The following TK2 variants were observed in gnomAD, a reference collection of about 807,000 sequenced individuals.
The protein encoded by TK2 is thymidine kinase 2, also known as thymidine kinase 2, mitochondrial.
Under a neutral mutation model 41.9 loss-of-function variants are expected in TK2, and 35 were observed. That is an observed-to-expected ratio of 0.84 (90% CI 0.64 to 1.11). The LOEUF is 1.11. Ranked by LOEUF, TK2 falls within the 50% of genes least tolerant of loss-of-function variation. TK2 has a pLI of 0.00. For missense variants in TK2, 320 were observed against 351.1 expected, an observed-to-expected ratio of 0.91 and a Z score of 0.71; for synonymous variants, 128 against 129.1, an observed-to-expected ratio of 0.99 and a Z score of 0.06.
intron 6 of TK2, 39 bp downstream of exon 6, chr16:66,528,955 A>C: frequency 1.3e-6 from 2 of 1,577,106 alleles, no homozygotes; most frequent in Non-Finnish European, 1.7e-6. Flanking sequence ...TTGAAAAATT[A>C]GTGGTTTAAT....
At chr16:66,521,080 C>A (rs770425655) in intron 6 of TK2, among the ~76,000 whole-genome samples, 1 of 152,332 alleles carries the variant, frequency 6.6e-6, no homozygotes, top group East Asian at 1.9e-4. Context: ...GTACCTCATG[C>A]GTCTGCACAG....
chr16:66,521,937 G>A (rs1424365569), intron 6 of TK2, among the ~76,000 whole-genome samples: 2 of 152,208 alleles, frequency 1.3e-5, no homozygotes, highest in Non-Finnish European at 2.9e-5. Context: ...CTGAGGCCAA[G>A]AGAGCCCCCC....
chr16:66,512,366 C>G (rs1964476552), intron 9 of TK2, among the ~76,000 whole-genome samples: 1 of 151,866 alleles, frequency 6.6e-6, no homozygotes, highest in Admixed American at 6.6e-5. Context: ...AGTTTGAGAC[C>G]AGCCTGGGCA....
rs2144331682 is a variant in TK2 at position 66,511,607 on chromosome 16, T to G, written c.*361A>C. 1 of 373,166 alleles carries G rather than the reference T, an allele frequency of 2.7e-6. No homozygotes were observed. 23.1% of individuals were successfully genotyped at this position (373,166 alleles called of 1,614,324 possible). A position where few individuals can be genotyped will look rare whatever the true frequency, so the allele number is the denominator to read the frequency against. On this transcript the variant is annotated 3_prime_UTR_variant, in exon 10 of 10. Coordinates refer to ENST00000544898, the MANE Select transcript of TK2 (RefSeq NM_004614.5). ...GGGATATAAGACTCCTACCTCGGCC[T>G]CCTAATGAAGGCTGAGACGATTGGT... is the stretch of plus-strand genomic sequence containing the variant.
At chr16:66,530,189 A>G (rs1965065652) in intron 5 of TK2, among the ~76,000 whole-genome samples, 1 of 152,242 alleles carries the variant, frequency 6.6e-6, no homozygotes, top group South Asian at 2.1e-4. Context: ...TCAATTTTAA[A>G]AGACAGACTT....
At chr16:66,542,167 G>T (rs1240885238) in intron 2 of TK2, among the ~76,000 whole-genome samples, 3 of 152,056 alleles carry the variant, frequency 2.0e-5, no homozygotes, top group Non-Finnish European at 4.4e-5. Flanking sequence ...GGCTCATGTG[G>T]TCCCCCCAGA....
chr16:66,531,357 G>T, intron 5 of TK2, 23 bp downstream of exon 5: 1 of 1,610,084 alleles, frequency 6.2e-7, no homozygotes, highest in Non-Finnish European at 8.5e-7. Context: ...TAAGAAGGCT[G>T]AAACTGAGCA....
At chr16:66,549,800 C>T (rs757502583) in intron 1 of TK2, 138 bp downstream of exon 1, 4 of 1,287,122 alleles carry the variant, frequency 3.1e-6, no homozygotes, top group Admixed American at 4.2e-5. Context: ...TGGCCGCCCC[C>T]GTCCCAGCCG....
rs1388759267 is a variant in TK2, at chr16:66,549,976, GGGC to G, written c.83_85del (p.Gly28_Pro29delinsAla). 12 of 1,491,932 alleles carry G rather than the reference GGGC, an allele frequency of 8.0e-6. No homozygotes were observed. Among genetic ancestry groups the G allele is most frequent in the Non-Finnish European group, 1.1e-5 (12 of 1,129,686 alleles). The allele number at this position is 1,491,932 out of a possible 1,614,324, so 92.4% of individuals were successfully genotyped here. ...CCGGCGCTGCACCCTCCGCGGCCCG[GGGC>G]CTGAGGCCGGGCTCCCGCGACTTCC... On this transcript the variant is annotated inframe_deletion, in exon 1 of 10. Coordinates refer to ENST00000544898, the MANE Select transcript of TK2 (RefSeq NM_004614.5).
Position 66,517,120 on chromosome 16 carries a change from C to T in TK2, c.618+16G>A, listed in dbSNP as rs1964638413. ...TTTCCCAGTTTGTCTTTAACCAAGTCAAAGAGGCCTCTTACCAGCGGAATG... is the reference window on the plus strand; with the variant it reads ...TTTCCCAGTTTGTCTTTAACCAAGTTAAAGAGGCCTCTTACCAGCGGAATG... On this transcript the variant is annotated intron_variant, in intron 8 of 9. Coordinates refer to ENST00000544898, the MANE Select transcript of TK2 (RefSeq NM_004614.5). This position sits in a 1 kb window ranked among gnomAD's most constrained non-coding sequence, Gnocchi z 4.3. 6.2e-7 allele frequency: 1 copy of T among 1,612,010 alleles called. No individual in the cohort carries two copies. Among genetic ancestry groups the T allele is most frequent in the Admixed American group, 1.7e-5 (1 of 60,000 alleles).
chr16:66,531,043 A>C (rs1355376380), intron 5 of TK2, among the ~76,000 whole-genome samples: 1 of 152,152 alleles, frequency 6.6e-6, no homozygotes, highest in Admixed American at 6.5e-5. Flanking sequence ...ATTTCTAACA[A>C]GTTTCCAGGT....
intron 3 of TK2, among the ~76,000 whole-genome samples, chr16:66,539,969 G>A (rs1196602575): frequency 6.6e-6 from 1 of 152,122 alleles, no homozygotes; most frequent in Admixed American, 6.6e-5. Flanking sequence ...TAGGAATGGT[G>A]GGGGCCCTCC....
intron 4 of TK2, among the ~76,000 whole-genome samples, chr16:66,536,250 T>G (rs1340949521): frequency 6.6e-6 from 1 of 150,958 alleles, no homozygotes; most frequent in African/African-American, 2.4e-5. Flanking sequence ...TCCAAGTCCA[T>G]TTACTAGCTG....
At chr16:66,547,978 A>C in intron 2 of TK2, 1 of 1,288,828 alleles carries the variant, frequency 7.8e-7, no homozygotes, top group Non-Finnish European at 1.0e-6. Context: ...CACACTTGTC[A>C]TCACAGCTAC....
In TK2 at chr16:66,549,287, TCA is replaced by T. The variant is rs552405131; in HGVS notation, c.125-280_125-279del. 361 of 1,247,832 alleles carry T rather than the reference TCA, an allele frequency of 2.9e-4. 2 individuals carry two copies. In the African/African-American group the frequency reaches 4.7e-3, roughly 16 times the overall value. The allele number at this position is 1,247,832 out of a possible 1,614,324, so 77.3% of individuals were successfully genotyped here. A position where few individuals can be genotyped will look rare whatever the true frequency, so the allele number is the denominator to read the frequency against. ...TTTTCCACGTTATTTATTTAGATCTTCACAGACTGGATGTTAAGCAAGTGGAA... is the reference window on the plus strand; with the variant it reads ...TTTTCCACGTTATTTATTTAGATCTTCAGACTGGATGTTAAGCAAGTGGAA... On this transcript the variant is annotated intron_variant, in intron 1 of 9. Transcript: ENST00000544898.
At chr16:66,534,007 CAA>C (rs11383723) in intron 4 of TK2, among the ~76,000 whole-genome samples, 6 of 97,342 alleles carry the variant, frequency 6.2e-5, no homozygotes, top group African/African-American at 4.4e-5. Flanking sequence ...GACTCTGTCT[CAA>C]AAAAAAAAAA....
intron 2 of TK2, among the ~76,000 whole-genome samples, chr16:66,545,919 CA>C (rs1965593962): frequency 6.6e-6 from 1 of 152,042 alleles, no homozygotes; most frequent in Non-Finnish European, 1.5e-5. Context: ...CCAGAAAACA[CA>C]AATCCCTAAA....
At chr16:66,512,513 G>A (rs1238985022) in intron 9 of TK2, among the ~76,000 whole-genome samples, 1 of 152,180 alleles carries the variant, frequency 6.6e-6, no homozygotes, top group Non-Finnish European at 1.5e-5. Context: ...CGGGTGCAGT[G>A]GCTCACGCCT....
At chr16:66,516,458 A>T (rs1320963827) in intron 8 of TK2, among the ~76,000 whole-genome samples, 2 of 152,240 alleles carry the variant, frequency 1.3e-5, no homozygotes, top group Non-Finnish European at 2.9e-5. Flanking sequence ...AGCCAGCAGC[A>T]AGGCACTGAA....
Sources: allele counts gnomAD v4.1 joint callset (sites outside exome capture counted in the v4.1 genomes callset), GRCh38; gene constraint gnomAD v4.1.1; non-coding constraint Gnocchi (gnomAD v3.1); transcripts MANE v1.5; gene names NCBI Gene and HGNC (gene_info 2026-07-23, HGNC 2026-07-21).